PCCB: variants seen among roughly 807,000 people sequenced by gnomAD.
PCCB encodes propionyl-CoA carboxylase beta chain, mitochondrial.
PCCB carries 43 observed loss-of-function variants against 60.7 expected under a neutral mutation model. The ratio of observed to expected loss-of-function variants is 0.71; its 90% CI spans 0.55 to 0.91. The LOEUF (loss-of-function observed/expected upper bound fraction) is 0.91, where lower values mean the gene tolerates loss of function less well. Among genes scored for constraint, PCCB ranks in the 40% least tolerant of loss-of-function variants. PCCB has a pLI of 0.00. For synonymous variants in PCCB, 276 were observed against 255.9 expected (o/e 1.08, Z -0.75); for missense variants, 766 against 702.8 (o/e 1.09, Z -1.02).
chr3:136,273,575 TTTC>T (rs1206831098), intron 5 of PCCB, among the ~76,000 whole-genome samples: 3 of 141,848 alleles, frequency 2.1e-5, no homozygotes, highest in Non-Finnish European at 4.6e-5. Context: ...CTTCTTTTTC[TTTC>T]TTTTTTTTTT....
intron 6 of PCCB, among the ~76,000 whole-genome samples, chr3:136,292,400 T>C (rs1933736005): frequency 6.6e-6 from 1 of 152,226 alleles, no homozygotes; most frequent in Admixed American, 6.5e-5. Flanking sequence ...GACTAAGGAC[T>C]AATTTCCTTA....
At chr3:136,299,848 A>G (rs956788808) in intron 8 of PCCB, among the ~76,000 whole-genome samples, 13 of 151,580 alleles carry the variant, frequency 8.6e-5, no homozygotes, top group Non-Finnish European at 1.9e-4. Flanking sequence ...GTGTATGTAT[A>G]TGCATGCATA....
intron 9 of PCCB, among the ~76,000 whole-genome samples, chr3:136,306,521 A>C (rs1254439967): frequency 8.2e-6 from 1 of 122,460 alleles, no homozygotes; most frequent in Non-Finnish European, 1.8e-5. Flanking sequence ...GTAAAAGTAG[A>C]TTTTACATTC....
chr3:136,294,563 G>T (rs1933849944), intron 7 of PCCB, among the ~76,000 whole-genome samples: 1 of 151,652 alleles, frequency 6.6e-6, no homozygotes, highest in Non-Finnish European at 1.5e-5. Flanking sequence ...GCCCACCTTG[G>T]CTTCCCAAAG....
intron 5 of PCCB, among the ~76,000 whole-genome samples, chr3:136,268,087 G>GATATATATATATATATATAT (rs61160895): frequency 2.8e-4 from 26 of 93,784 alleles, no homozygotes; most frequent in Admixed American, 3.6e-4. Flanking sequence ...TGTGTGTGTA[G>GATATATATATATATATATAT]ATATATATAT....
chr3:136,328,342 A>G (rs1236664512), intron 13 of PCCB, among the ~76,000 whole-genome samples: 1 of 152,144 alleles, frequency 6.6e-6, no homozygotes, highest in Non-Finnish European at 1.5e-5. Flanking sequence ...TGGCCACCGA[A>G]TTGTATACTC....
At chr3:136,256,320 G>C (rs1270501187) in intron 2 of PCCB, 5 of 586,826 alleles carry the variant, frequency 8.5e-6, no homozygotes, top group African/African-American at 7.5e-5. Context: ...TTGCTTTTAG[G>C]AGGGTACATA....
chr3:136,274,203 G>A (rs1176115352), intron 5 of PCCB, among the ~76,000 whole-genome samples: 2 of 150,474 alleles, frequency 1.3e-5, no homozygotes, highest in African/African-American at 4.9e-5. Context: ...TTTTTTCATT[G>A]TGTTATTGTT....
intron 9 of PCCB, among the ~76,000 whole-genome samples, chr3:136,305,830 C>T (rs1934438646): frequency 8.3e-6 from 1 of 119,824 alleles, no homozygotes; most frequent in African/African-American, 2.5e-5. Flanking sequence ...TAAGAGTGCA[C>T]ACACAAATCA....
chr3:136,320,214 C>T (rs1935062435), intron 10 of PCCB, among the ~76,000 whole-genome samples: 1 of 152,138 alleles, frequency 6.6e-6, no homozygotes, highest in Non-Finnish European at 1.5e-5. Context: ...TTGGTAGTGA[C>T]TTTCCCATTT....
intron 6 of PCCB, among the ~76,000 whole-genome samples, chr3:136,287,367 T>C (rs1038373338): frequency 6.6e-6 from 1 of 152,120 alleles, no homozygotes; most frequent in Admixed American, 6.6e-5. Context: ...GAAAATGTAG[T>C]TCATTCACTT....
At chr3:136,296,168 C>T (rs1933929568) in intron 7 of PCCB, among the ~76,000 whole-genome samples, 1 of 152,132 alleles carries the variant, frequency 6.6e-6, no homozygotes, top group Non-Finnish European at 1.5e-5. Context: ...TTTTAAAATA[C>T]ATTCAGAGTT....
At chr3:136,289,875 T>G in intron 6 of PCCB, among the ~76,000 whole-genome samples, 1 of 152,002 alleles carries the variant, frequency 6.6e-6, no homozygotes, top group Middle Eastern at 3.2e-3. Context: ...AACACTTTTC[T>G]GCTTCCCAGG....
intron 8 of PCCB, among the ~76,000 whole-genome samples, chr3:136,299,322 A>T (rs1251197630): frequency 6.6e-6 from 1 of 152,036 alleles, no homozygotes; most frequent in Admixed American, 6.6e-5. Context: ...ATACATGTAT[A>T]CATATTTGTG....
Position 136,321,592 on chromosome 3 carries a change from C to T in PCCB, c.1090+4528C>T, listed in dbSNP as rs567253995. Among the ~76,000 whole-genome samples, 90 of 152,298 alleles carry T rather than the reference C, an allele frequency of 5.9e-4. 1 individual carries two copies. In the Middle Eastern group the frequency reaches 0.01, roughly 17 times the overall value. ...TCTCATGAGAACTCACACACTATCACGAGAACAGCGTGAGGAAAACCACCC... is the reference window on the plus strand; with the variant it reads ...TCTCATGAGAACTCACACACTATCATGAGAACAGCGTGAGGAAAACCACCC... On this transcript the variant is annotated intron_variant, in intron 10 of 14. Coordinates refer to ENST00000251654, the MANE Select transcript of PCCB (RefSeq NM_000532.5).
chr3:136,285,282 G>A (rs1487323133), intron 6 of PCCB, among the ~76,000 whole-genome samples: 1 of 151,970 alleles, frequency 6.6e-6, no homozygotes, highest in Non-Finnish European at 1.5e-5. Context: ...CTTTCCTCCT[G>A]CTACACACAT....
intron 9 of PCCB, among the ~76,000 whole-genome samples, chr3:136,315,638 C>T (rs1934860611): frequency 6.6e-6 from 1 of 151,550 alleles, no homozygotes; most frequent in South Asian, 2.1e-4. Context: ...TGAGACCAGC[C>T]TGCGCAACAT....
In PCCB at chr3:136,298,943, G is replaced by A. The variant is rs1404357394; in HGVS notation, c.884+871G>A. On this transcript the variant is annotated intron_variant, in intron 8 of 14. Coordinates refer to ENST00000251654, the MANE Select transcript of PCCB (RefSeq NM_000532.5). ...TGCTCTGAAGAGTTGTGTTGCCAGGGCCTCACTCTGTCTGCCTCTGCCCAC... is the reference window on the plus strand; with the variant it reads ...TGCTCTGAAGAGTTGTGTTGCCAGGACCTCACTCTGTCTGCCTCTGCCCAC... Among the ~76,000 whole-genome samples, 5 of 152,184 alleles carry A rather than the reference G, an allele frequency of 3.3e-5. No individual in the cohort carries two copies. The South Asian group carries it at 6.2e-4, about 19-fold the overall frequency.
At chr3:136,292,236 G>GTTTTTTTTTTT (rs11385401) in intron 6 of PCCB, among the ~76,000 whole-genome samples, 1 of 144,984 alleles carries the variant, frequency 6.9e-6, no homozygotes, top group Non-Finnish European at 1.5e-5. Flanking sequence ...TGTGTCTCTA[G>GTTTTTTTTTTT]TTTTTTTTTT....
Sources: allele counts gnomAD v4.1 joint callset (sites outside exome capture counted in the v4.1 genomes callset), GRCh38; gene constraint gnomAD v4.1.1; transcripts MANE v1.5; gene names NCBI Gene and HGNC (gene_info 2026-07-23, HGNC 2026-07-21).